Variants in ABCB1 observed in about 807,000 individuals in gnomAD.
ABCB1 encodes the protein ATP binding cassette subfamily B member 1, also known as ATP-dependent translocase ABCB1.
Under a neutral mutation model 142.0 loss-of-function variants are expected in ABCB1, and 69 were observed. That is an observed-to-expected ratio of 0.49 (90% CI 0.40 to 0.59). The LOEUF (loss-of-function observed/expected upper bound fraction) is 0.59. ABCB1 is among the 20% of genes least tolerant of loss of function. The pLI is 0.00. For missense variants in ABCB1, 1,326 were observed against 1,554.7 expected, an observed-to-expected ratio of 0.85 and a Z score of 2.47; for synonymous variants, 532 against 539.2, an observed-to-expected ratio of 0.99 and a Z score of 0.18.
intron 1 of ABCB1, among the ~76,000 whole-genome samples, chr7:87,681,695 A>T (rs1291969258): frequency 6.6e-6 from 1 of 150,976 alleles, no homozygotes; most frequent in African/African-American, 2.5e-5. Context: ...CTGCTGAAGG[A>T]TGGGGTGGAT....
intron 1 of ABCB1, among the ~76,000 whole-genome samples, chr7:87,613,257 C>CTTTTTTTTTTTTTTTTTTTTT (rs67823385): frequency 6.2e-5 from 4 of 64,210 alleles, no homozygotes; most frequent in Non-Finnish European, 1.1e-4. Context: ...TCCTTTATTT[C>CTTTTTTTTTTTTTTTTTTTTT]TTTTTTTTTT....
chr7:87,628,222 C>T (rs748588592), intron 1 of ABCB1, among the ~76,000 whole-genome samples: 163 of 152,334 alleles, frequency 1.1e-3, no homozygotes, highest in Non-Finnish European at 1.6e-3. Context: ...GCTGCGAAAG[C>T]GAGCCCAGCG....
At chr7:87,700,329 C>A in intron 1 of ABCB1, 1 of 1,119,780 alleles carries the variant, frequency 8.9e-7, no homozygotes, top group South Asian at 1.7e-5. Flanking sequence ...CACTATATTA[C>A]CTTTATTTTT....
intron 1 of ABCB1, among the ~76,000 whole-genome samples, chr7:87,693,548 G>T (rs972597335): frequency 1.3e-5 from 2 of 152,148 alleles, no homozygotes; most frequent in Admixed American, 6.6e-5. Context: ...TGCATCGCCA[G>T]CAAGTTCAGT....
intron 5 of ABCB1, among the ~76,000 whole-genome samples, chr7:87,569,071 A>G (rs1206388317): frequency 2.0e-5 from 3 of 152,092 alleles, no homozygotes; most frequent in Non-Finnish European, 4.4e-5. Context: ...GGCGGCTCAC[A>G]CCCGTAATCC....
intron 2 of ABCB1, among the ~76,000 whole-genome samples, chr7:87,597,896 T>C (rs28381812): frequency 6.6e-6 from 1 of 152,312 alleles, no homozygotes; most frequent in African/African-American, 2.4e-5. Context: ...TTTGTTTTGT[T>C]TTGTAATGTT....
intron 14 of ABCB1, among the ~76,000 whole-genome samples, chr7:87,547,866 A>AAC (rs1677887257): frequency 6.7e-6 from 1 of 148,844 alleles, no homozygotes; most frequent in Non-Finnish European, 1.5e-5. Flanking sequence ...AAAAAAAAAA[A>AAC]AAAAAACCTT....
At chr7:87,539,162 A>G (rs1816417049) in intron 19 of ABCB1, 106 bp downstream of exon 19, 2 of 1,210,166 alleles carry the variant, frequency 1.7e-6, no homozygotes, top group South Asian at 2.5e-5. Context: ...GACAACCAAT[A>G]TAGGAGCTAG....
At chr7:87,648,364 A>G (rs1209005123) in intron 1 of ABCB1, among the ~76,000 whole-genome samples, 2 of 152,126 alleles carry the variant, frequency 1.3e-5, no homozygotes, top group African/African-American at 2.4e-5. Flanking sequence ...TGTTCATATA[A>G]AAATGAGGAA....
At chr7:87,703,885 C>CTTTTTTTTTTTTTTTTTTTTT in intron 1 of ABCB1, among the ~76,000 whole-genome samples, 33 of 60,290 alleles carry the variant, frequency 5.5e-4, no homozygotes, top group South Asian at 6.3e-4. Context: ...TCAGTTTTTT[C>CTTTTTTTTTTTTTTTTTTTTT]TTTTTTTTTT....
intron 1 of ABCB1, among the ~76,000 whole-genome samples, chr7:87,626,360 ATATATATGTGTCATATG>A (rs1820535030): frequency 4.3e-5 from 1 of 23,380 alleles, no homozygotes; most frequent in Non-Finnish European, 6.2e-5. Context: ...TATATGTGTC[ATATATATGTGTCATATG>A]TATGTGTCAT....
chr7:87,540,277 C>T (rs1221662065), intron 18 of ABCB1, among the ~76,000 whole-genome samples: 2 of 152,128 alleles, frequency 1.3e-5, no homozygotes, highest in South Asian at 2.1e-4. Flanking sequence ...TCACATGATC[C>T]TTTTAATCAT....
intron 1 of ABCB1, among the ~76,000 whole-genome samples, chr7:87,627,071 GC>G (rs1460306335): frequency 6.6e-6 from 1 of 152,114 alleles, no homozygotes; most frequent in Non-Finnish European, 1.5e-5. Flanking sequence ...ACCGCGCCCA[GC>G]CCATATATTT....
Position 87,625,558 on chromosome 7 carries a change from T to C in ABCB1, c.-330-24480A>G, listed in dbSNP as rs546433191. Among the ~76,000 whole-genome samples the C allele has an allele frequency of 1.2e-4, 19 of 152,336 alleles. No individual in the cohort carries two copies. In the East Asian group the frequency reaches 3.7e-3, roughly 29 times the overall value. On this transcript the variant is annotated intron_variant, in intron 1 of 28. Coordinates refer to the ABCB1 transcript ENST00000265724. ...GTTTTCCACTCTTTTCTTTCTGCAG[T>C]TTTATCTGTGGTTAAATAATAACAA... is the stretch of plus-strand genomic sequence containing the variant.
intron 8 of ABCB1, among the ~76,000 whole-genome samples, chr7:87,554,519 A>G (rs1817231727): frequency 6.6e-6 from 1 of 152,244 alleles, no homozygotes; most frequent in Non-Finnish European, 1.5e-5. Context: ...AATAAGCTGT[A>G]CAATTTATCT....
chr7:87,645,081 C>CTTTTTTT (rs551936794), intron 1 of ABCB1, among the ~76,000 whole-genome samples: 1 of 128,092 alleles, frequency 7.8e-6, no homozygotes, highest in Non-Finnish European at 1.7e-5. Flanking sequence ...TGCTTTCTTT[C>CTTTTTTT]TTTTTTTTTT....
In ABCB1 at chr7:87,549,571, A is replaced by C. The variant is rs28381901; in HGVS notation, c.1555-53T>G. ...GCATAAGGACAAGCTATCTCAGCTCATATTTTAAATTGGTAAGGAATCCTA... is the reference window on the plus strand; with the variant it reads ...GCATAAGGACAAGCTATCTCAGCTCCTATTTTAAATTGGTAAGGAATCCTA... On this transcript the variant is annotated intron_variant, in intron 13 of 27. Coordinates refer to ENST00000622132, the MANE Select transcript of ABCB1 (RefSeq NM_001348946.2). 5.7e-3 allele frequency: 9,234 copies of C among 1,613,088 alleles called. 39 individuals carry two copies. The highest frequency in any genetic ancestry group is 7.1e-3 in the Non-Finnish European group (8,378 of 1,179,014).
chr7:87,569,264 C>T (rs548180714), intron 5 of ABCB1, among the ~76,000 whole-genome samples: 6 of 144,714 alleles, frequency 4.1e-5, no homozygotes, highest in Non-Finnish European at 5.9e-5. Context: ...AGCCAGGAAT[C>T]GAAGGTCGCA....
At chr7:87,684,070 G>A (rs763188243) in intron 1 of ABCB1, among the ~76,000 whole-genome samples, 1 of 152,092 alleles carries the variant, frequency 6.6e-6, no homozygotes, top group Non-Finnish European at 1.5e-5. Context: ...GCATAGAAAA[G>A]CATTTGACAA....
Sources: gnomAD v4.1 joint callset for allele counts (sites outside exome capture counted in the v4.1 genomes callset) on GRCh38, gnomAD v4.1.1 for gene constraint, MANE v1.5 for transcripts, NCBI Gene and HGNC (gene_info 2026-07-23, HGNC 2026-07-21) for gene names.